The following FHIP2A variants were observed in gnomAD, a reference collection of about 807,000 sequenced individuals.
FHIP2A encodes family with sequence similarity 160 member B1.
A neutral mutation model predicts 93.5 loss-of-function variants in FHIP2A; 46 were observed. The ratio of observed to expected loss-of-function variants is 0.49; its 90% CI spans 0.39 to 0.63. The LOEUF is 0.63. Among genes scored for constraint, FHIP2A ranks in the 20% least tolerant of loss-of-function variants. The pLI is 0.00. For missense variants in FHIP2A, 769 were observed against 909.7 expected, an observed-to-expected ratio of 0.85 and a Z score of 1.99; for synonymous variants, 332 against 326.5, an observed-to-expected ratio of 1.02 and a Z score of -0.18.
In FHIP2A at chr10:114,842,352, A is replaced by G. The variant is rs1226533035; in HGVS notation, c.523-581A>G. 2.6e-5 allele frequency among the ~76,000 whole-genome samples: 4 copies of G among 152,102 alleles called. 1 individual carries two copies. Among genetic ancestry groups the G allele is most frequent in the Admixed American group, 2.0e-4 (3 of 15,254 alleles). On this transcript the variant is annotated intron_variant, in intron 5 of 16. Transcript: ENST00000369248. ...AGTGCTGGTATTACAGGCATGGGTCACTGTGCCCAGCTTCTTGCGTTCTTA... is the reference window on the plus strand; with the variant it reads ...AGTGCTGGTATTACAGGCATGGGTCGCTGTGCCCAGCTTCTTGCGTTCTTA...
intron 14 of FHIP2A, among the ~76,000 whole-genome samples, chr10:114,858,031 T>C (rs1178045457): frequency 1.3e-5 from 2 of 152,228 alleles, no homozygotes; most frequent in Non-Finnish European, 2.9e-5. Flanking sequence ...GAAGTTGATA[T>C]TACTTTTTTA....
At chr10:114,885,917 T>G (rs758099815) in intron 16 of FHIP2A, among the ~76,000 whole-genome samples, 12 of 152,180 alleles carry the variant, frequency 7.9e-5, no homozygotes, top group Non-Finnish European at 8.8e-5. Context: ...AGAGTTTACC[T>G]AGGTTGAAGG....
At chr10:114,867,586 T>G (rs2083835829), downstream of FHIP2A, among the ~76,000 whole-genome samples, 1 of 152,246 alleles carries the variant, frequency 6.6e-6, no homozygotes, top group Non-Finnish European at 1.5e-5. Flanking sequence ...GACAGCGTTC[T>G]TTATTGTCTC....
At chr10:114,874,799 C>G (rs956160676) in intron 16 of FHIP2A, among the ~76,000 whole-genome samples, 1 of 152,112 alleles carries the variant, frequency 6.6e-6, no homozygotes, top group Non-Finnish European at 1.5e-5. Context: ...CCATCGCGCC[C>G]GGCCGGAATT....
intron 16 of FHIP2A, among the ~76,000 whole-genome samples, chr10:114,891,777 G>A (rs146699061): frequency 0.01 from 1,543 of 151,632 alleles, 37 homozygotes; most frequent in African/African-American, 0.035. Flanking sequence ...CCACCATGCC[G>A]GGCCAATTTT....
intron 14 of FHIP2A, among the ~76,000 whole-genome samples, chr10:114,856,979 T>A (rs2083770588): frequency 6.6e-6 from 1 of 152,160 alleles, no homozygotes; most frequent in Non-Finnish European, 1.5e-5. Context: ...TAGTCCCAGC[T>A]ACTCAGGAGT....
At position 114,822,054 on chromosome 10, in the gene FHIP2A, G is replaced by C. The variant is rs1229474336; in HGVS notation, c.-25G>C. 6 of 1,282,748 alleles carry C rather than the reference G, an allele frequency of 4.7e-6. No homozygotes were observed. The highest frequency in any genetic ancestry group is 5.0e-6 in the Non-Finnish European group (5 of 993,534). The allele number at this position is 1,282,748 out of a possible 1,614,324, so 79.5% of individuals were successfully genotyped here. On this transcript the variant is annotated 5_prime_UTR_variant, in exon 1 of 17. Transcript: ENST00000369248. ...AGGAGCTCTCCAGGTCGTCCCGGGA[G>C]AGGCTGCTGCAGTCCCGGGACAGGA...
intron 16 of FHIP2A, among the ~76,000 whole-genome samples, chr10:114,893,108 C>T (rs940968302): frequency 1.3e-5 from 2 of 152,056 alleles, no homozygotes; most frequent in Non-Finnish European, 2.9e-5. Flanking sequence ...TTCACCAATC[C>T]ACTTCGAGGA....
Position 114,862,194 on chromosome 10 carries a change from C to G in FHIP2A, c.*654C>G. 1.0e-6 allele frequency: 1 copy of G among 953,896 alleles called. No individual in the cohort carries two copies. The highest frequency in any genetic ancestry group is 4.9e-5 in the South Asian group (1 of 20,604). 59.1% of individuals were successfully genotyped at this position (953,896 alleles called of 1,614,324 possible). A position where few individuals can be genotyped will look rare whatever the true frequency, so the allele number is the denominator to read the frequency against. ...ATTTTTAAAGAAATGTTCTTTTACT[C>G]TTTTGTGCACATAGCCATGTTAGTG... On this transcript the variant is annotated 3_prime_UTR_variant, in exon 17 of 17. Transcript: ENST00000369248.
At chr10:114,894,783 A>G (rs1262772500) in intron 16 of FHIP2A, among the ~76,000 whole-genome samples, 1 of 139,386 alleles carries the variant, frequency 7.2e-6, no homozygotes, top group Non-Finnish European at 1.7e-5. Flanking sequence ...GTAATGGTCT[A>G]TAAAATACAA....
chr10:114,858,832 G>C (rs141037342), intron 14 of FHIP2A, among the ~76,000 whole-genome samples: 2 of 152,140 alleles, frequency 1.3e-5, no homozygotes, highest in East Asian at 3.9e-4. Flanking sequence ...TAACAAAAAC[G>C]TATTGTATAT....
Position 114,852,505 on chromosome 10 carries a change from A to G in FHIP2A, c.1804-2692A>G, listed in dbSNP as rs531164871. 2.6e-5 allele frequency among the ~76,000 whole-genome samples: 4 copies of G among 152,180 alleles called. No individual in the cohort carries two copies. The East Asian group carries it at 5.8e-4, about 22-fold the overall frequency. ...GTTGCCTGGGATTCATTCATCTTCT[A>G]TTCTCCTTAGCCTCTAGTGTATTGC... On this transcript the variant is annotated intron_variant, in intron 13 of 16. Coordinates refer to ENST00000369248, the MANE Select transcript of FHIP2A (RefSeq NM_020940.4).
chr10:114,882,313 C>T (rs1289945866), intron 16 of FHIP2A, among the ~76,000 whole-genome samples: 1 of 152,088 alleles, frequency 6.6e-6, no homozygotes, highest in Non-Finnish European at 1.5e-5. Flanking sequence ...GGCTGGAGAG[C>T]CCATGTGTGC....
intron 2 of FHIP2A, among the ~76,000 whole-genome samples, chr10:114,831,176 G>C (rs1398456071): frequency 6.6e-6 from 1 of 152,190 alleles, no homozygotes; most frequent in African/African-American, 2.4e-5. Flanking sequence ...CAACACTGCT[G>C]TCCTCACAGA....
rs1315051152 is a variant in FHIP2A, at chr10:114,861,801, G to A, written c.*261G>A. Reference sequence around the variant, plus strand: ...CCAGGATACAATCAAAGGAACTTCAGGAAATAAGCATTTCTAATGACTGTG... The same window carrying A: ...CCAGGATACAATCAAAGGAACTTCAAGAAATAAGCATTTCTAATGACTGTG... On this transcript the variant is annotated 3_prime_UTR_variant, in exon 17 of 17. Transcript: ENST00000369248. 3 of 1,108,304 alleles carry A rather than the reference G, an allele frequency of 2.7e-6. No homozygotes were observed. The East Asian group carries it at 1.8e-4, about 65-fold the overall frequency. 68.7% of individuals were successfully genotyped at this position (1,108,304 alleles called of 1,614,324 possible). A position where few individuals can be genotyped will look rare whatever the true frequency, so the allele number is the denominator to read the frequency against.
intron 6 of FHIP2A, 31 bp from the exon 7 acceptor site, chr10:114,843,710 A>G (rs808359): frequency 1.8e-4 from 265 of 1,464,122 alleles, no homozygotes; most frequent in Admixed American, 2.4e-4. Flanking sequence ...ATACAATTCA[A>G]GAATTGAAGG....
At chr10:114,894,758 T>C (rs959277745) in intron 16 of FHIP2A, among the ~76,000 whole-genome samples, 5 of 152,056 alleles carry the variant, frequency 3.3e-5, no homozygotes, top group African/African-American at 1.2e-4. Flanking sequence ...AGGTGTTTGT[T>C]AGGCAGGACT....
At chr10:114,896,374 G>C (rs1182587985) in intron 16 of FHIP2A, among the ~76,000 whole-genome samples, 1 of 152,080 alleles carries the variant, frequency 6.6e-6, no homozygotes, top group Non-Finnish European at 1.5e-5. Context: ...TCTGGGAGGA[G>C]GAAATCATAG....
intron 5 of FHIP2A, among the ~76,000 whole-genome samples, chr10:114,839,714 C>G (rs1253565576): frequency 6.6e-6 from 1 of 151,658 alleles, no homozygotes; most frequent in Non-Finnish European, 1.5e-5. Context: ...AACCCCTTCT[C>G]TACTAAAAAT....
Sources: gnomAD v4.1 joint callset for allele counts (sites outside exome capture counted in the v4.1 genomes callset) on GRCh38, gnomAD v4.1.1 for gene constraint, MANE v1.5 for transcripts, NCBI Gene and HGNC (gene_info 2026-07-23, HGNC 2026-07-21) for gene names.